Variants in CNTN5 observed in about 807,000 individuals in gnomAD.
CNTN5 encodes contactin 5, also known as contactin-5.
CNTN5 carries 77 observed loss-of-function variants against 129.1 expected under a neutral mutation model. The observed-to-expected ratio is 0.60, with a 90% CI of 0.50 to 0.72. The LOEUF (loss-of-function observed/expected upper bound fraction) is 0.72. Ranked by LOEUF, CNTN5 falls within the 30% of genes least tolerant of loss-of-function variation. The pLI is 0.00. For missense variants in CNTN5, 1,478 were observed against 1,328.8 expected, an observed-to-expected ratio of 1.11 and a Z score of -1.75; for synonymous variants, 509 against 465.6, an observed-to-expected ratio of 1.09 and a Z score of -1.20.
At chr11:99,241,664 A>G (rs1189414827) in intron 1 of CNTN5, among the ~76,000 whole-genome samples, 1 of 152,178 alleles carries the variant, frequency 6.6e-6, no homozygotes, top group East Asian at 1.9e-4. Flanking sequence ...GTCCTTAATC[A>G]TATGTTCCTT....
chr11:99,242,957 A>G (rs1360709725), intron 1 of CNTN5, among the ~76,000 whole-genome samples: 1 of 151,972 alleles, frequency 6.6e-6, no homozygotes, highest in Non-Finnish European at 1.5e-5. Context: ...AGAGTACATG[A>G]CTTTATGGCA....
At chr11:100,266,631 T>TTTC (rs1565384046) in intron 17 of CNTN5, among the ~76,000 whole-genome samples, 1 of 3,850 alleles carries the variant, frequency 2.6e-4, no homozygotes, top group East Asian at 0.12. Flanking sequence ...TTTCCAAATC[T>TTTC]TTTTTTTTTT....
At chr11:99,773,373 G>T (rs991660994) in intron 3 of CNTN5, among the ~76,000 whole-genome samples, 13 of 152,098 alleles carry the variant, frequency 8.5e-5, no homozygotes, top group African/African-American at 2.9e-4. Context: ...TTACTTAAAT[G>T]TATAAGCTTA....
rs544088205 is a variant in CNTN5 at position 99,260,238 on chromosome 11, G to A, written c.-209-65108G>A. On this transcript the variant is annotated intron_variant, in intron 1 of 24. Transcript: ENST00000524871. Reference sequence around the variant, plus strand: ...GTAAGCATTTCATTCATTTGGGGATGTATGTAAACTGCCTTAAATATATAT... The same window carrying A: ...GTAAGCATTTCATTCATTTGGGGATATATGTAAACTGCCTTAAATATATAT... 2.8e-3 allele frequency among the ~76,000 whole-genome samples: 422 copies of A among 151,750 alleles called. 2 individuals carry two copies. The highest frequency in any genetic ancestry group is 0.01 in the African/African-American group (415 of 41,476).
At chr11:100,066,867 T>C (rs1478071731) in intron 10 of CNTN5, among the ~76,000 whole-genome samples, 3 of 151,864 alleles carry the variant, frequency 2.0e-5, no homozygotes, top group Non-Finnish European at 4.4e-5. Context: ...ATGTAACCTT[T>C]TATGTTTCTG....
At chr11:99,896,679 C>T (rs1019931952) in intron 6 of CNTN5, among the ~76,000 whole-genome samples, 1 of 152,148 alleles carries the variant, frequency 6.6e-6, no homozygotes, top group African/African-American at 2.4e-5. Flanking sequence ...CCCTACCACC[C>T]CCAGGCCAGT....
chr11:99,922,103 C>T (rs1283049782), intron 7 of CNTN5, among the ~76,000 whole-genome samples: 1 of 152,112 alleles, frequency 6.6e-6, no homozygotes, highest in Non-Finnish European at 1.5e-5. Context: ...TTAATGGACT[C>T]ACAGTTTCAC....
chr11:99,480,853 T>G (rs936419023), intron 2 of CNTN5, among the ~76,000 whole-genome samples: 1 of 152,186 alleles, frequency 6.6e-6, no homozygotes, highest in Non-Finnish European at 1.5e-5. Context: ...CATCAGGGCA[T>G]CTTTTACCCT....
Position 99,359,773 on chromosome 11 carries a change from C to T in CNTN5, c.-71+34289C>T, listed in dbSNP as rs574121144. Among the ~76,000 whole-genome samples the T allele has an allele frequency of 5.9e-5, 9 of 152,060 alleles. No homozygotes were observed. The East Asian group carries it at 9.7e-4, about 16-fold the overall frequency. ...CCTTACAGCTGTGAGCCTCTGAAAT[C>T]GAGCAAGTTACGTGCTTCTGAAATG... On this transcript the variant is annotated intron_variant, in intron 2 of 24. Transcript: ENST00000524871.
intron 17 of CNTN5, among the ~76,000 whole-genome samples, chr11:100,268,101 T>C (rs1944159): frequency 0.88 from 134,338 of 152,178 alleles, 59,394 homozygotes; most frequent in East Asian, 1. Flanking sequence ...ATGGAGTTAC[T>C]GTTAAGTGAC....
At chr11:99,719,010 A>G (rs989706683) in intron 3 of CNTN5, among the ~76,000 whole-genome samples, 3 of 152,132 alleles carry the variant, frequency 2.0e-5, no homozygotes, top group Non-Finnish European at 2.9e-5. Flanking sequence ...AAGAAAAAGT[A>G]AGGAATAATA....
chr11:99,678,195 C>T (rs188303747), intron 3 of CNTN5, among the ~76,000 whole-genome samples: 3 of 152,032 alleles, frequency 2.0e-5, no homozygotes, highest in African/African-American at 4.8e-5. Flanking sequence ...CAATATTCAG[C>T]GAATTTCTGA....
intron 3 of CNTN5, among the ~76,000 whole-genome samples, chr11:99,647,645 TATTA>T (rs1242084890): frequency 6.6e-6 from 1 of 152,044 alleles, no homozygotes; most frequent in Non-Finnish European, 1.5e-5. Flanking sequence ...ATTTTAGCAA[TATTA>T]ATTCTTCCAG....
At chr11:99,992,965 A>G (rs1051566557) in intron 8 of CNTN5, among the ~76,000 whole-genome samples, 1 of 152,164 alleles carries the variant, frequency 6.6e-6, no homozygotes, top group African/African-American at 2.4e-5. Flanking sequence ...TGAGCTATAT[A>G]TTCAGCTCCA....
At chr11:99,417,618 T>C (rs1942717012) in intron 2 of CNTN5, among the ~76,000 whole-genome samples, 1 of 152,034 alleles carries the variant, frequency 6.6e-6, no homozygotes, top group Non-Finnish European at 1.5e-5. Flanking sequence ...ATTGTACTAT[T>C]ATCTAGGAAA....
At chr11:99,607,414 A>T (rs1202248642) in intron 3 of CNTN5, among the ~76,000 whole-genome samples, 1 of 146,502 alleles carries the variant, frequency 6.8e-6, no homozygotes, top group Non-Finnish European at 1.5e-5. Flanking sequence ...ATCTCACACC[A>T]GTTAGAATGG....
chr11:99,112,377 C>T (rs1257712679), intron 1 of CNTN5, among the ~76,000 whole-genome samples: 1 of 151,832 alleles, frequency 6.6e-6, no homozygotes, highest in Non-Finnish European at 1.5e-5. Context: ...AGGAAATCAG[C>T]TTATTTGCCA....
chr11:100,034,551 G>A (rs934869395), intron 9 of CNTN5, among the ~76,000 whole-genome samples: 3 of 152,062 alleles, frequency 2.0e-5, no homozygotes, highest in Non-Finnish European at 4.4e-5. Context: ...CATTATTCTT[G>A]CTGCATACAG....
At chr11:100,102,573 A>G (rs1945264650) in intron 13 of CNTN5, among the ~76,000 whole-genome samples, 1 of 129,406 alleles carries the variant, frequency 7.7e-6, no homozygotes, top group South Asian at 2.7e-4. Flanking sequence ...TTAAGAATAA[A>G]AAAGGTAAAC....
Sources: gnomAD v4.1 joint callset for allele counts (sites outside exome capture counted in the v4.1 genomes callset) on GRCh38, gnomAD v4.1.1 for gene constraint, MANE v1.5 for transcripts, NCBI Gene and HGNC (gene_info 2026-07-23, HGNC 2026-07-21) for gene names.